The following F12 variants were observed in gnomAD, a reference collection of about 807,000 sequenced individuals.
F12 encodes coagulation factor XII.
A neutral mutation model predicts 74.8 loss-of-function variants in F12; 70 were observed. The ratio of observed to expected loss-of-function variants is 0.94; its 90% CI spans 0.77 to 1.14. The LOEUF is 1.14. F12 is among the 50% of genes most tolerant of loss of function. The pLI, the probability that F12 is intolerant of heterozygous loss-of-function variation, is 0.00. For missense variants in F12, 811 were observed against 835.7 expected, an observed-to-expected ratio of 0.97 and a Z score of 0.36; for synonymous variants, 373 against 356.4, an observed-to-expected ratio of 1.05 and a Z score of -0.52.
At position 177,409,085 on chromosome 5, in the gene F12, G is replaced by A. The variant is rs1443190474; in HGVS notation, c.76C>T (p.Pro26Ser). The change falls in exon 2 of 14, where the codon CCC (proline) becomes TCC (serine). Residue 26 changes from proline (P) to serine (S), a missense_variant. Transcript: ENST00000253496. ...STLSIPPWEA[P>S]KEHKYKAEEH... is the part of the protein sequence containing the mutation. ...TCAGCTTTGTACTTATGCTCCTTGG[G>A]GGCTTCCCAAGGTGGAATCTACAAG... The A allele has an allele frequency of 3.2e-6, 5 of 1,551,684 alleles. No homozygotes were observed. The highest frequency in any genetic ancestry group is 8.7e-7 in the Non-Finnish European group (1 of 1,147,030).
chr5:177,402,904 G>A (rs768371759), intron 12 of F12: 3 of 752,228 alleles, frequency 4.0e-6, no homozygotes, highest in South Asian at 1.8e-5. Flanking sequence ...TGGGCGGAGC[G>A]GAAACAGAAA....
intron 12 of F12, 91 bp downstream of exon 12, chr5:177,403,163 C>G (rs1308793858): frequency 8.3e-6 from 13 of 1,561,938 alleles, no homozygotes; most frequent in Non-Finnish European, 1.1e-5. Flanking sequence ...CTGTAGGCAC[C>G]CGGAACGATA....
intron 2 of F12, among the ~76,000 whole-genome samples, chr5:177,407,323 T>C (rs1763316134): frequency 6.6e-6 from 1 of 152,170 alleles, no homozygotes; most frequent in Non-Finnish European, 1.5e-5. Context: ...TCAGAGGAAT[T>C]GTCGTGGGGC....
intron 2 of F12, among the ~76,000 whole-genome samples, chr5:177,407,366 T>C (rs1414508324): frequency 6.6e-6 from 1 of 152,188 alleles, no homozygotes; most frequent in African/African-American, 2.4e-5. Context: ...TGCTGAGCAG[T>C]GTCTGGCACA....
chr5:177,402,477 A>G lies in F12; in HGVS notation c.1681-18T>C. On this transcript the variant is annotated intron_variant, in intron 13 of 13. Transcript: ENST00000253496. ...GAATCACCCTGGGTCGGAAACACGC[A>G]GCTCAGCGCTGTGGACCTGAGATTT... 2 of 1,600,862 alleles carry G rather than the reference A, an allele frequency of 1.2e-6. No individual in the cohort carries two copies. Among genetic ancestry groups the G allele is most frequent in the African/African-American group, 1.3e-5 (1 of 74,636 alleles).
rs1442039359 is a variant in F12 at position 177,405,315 on chromosome 5, C to G, written c.397+8G>C. 6.2e-7 allele frequency: 1 copy of G among 1,614,036 alleles called. No homozygotes were observed. Among genetic ancestry groups the G allele is most frequent in the Non-Finnish European group, 8.5e-7 (1 of 1,179,964 alleles). The stretch of plus-strand genomic sequence containing the variant: ...AGCACCCCGCCCAGGTCCTCCACAT[C>G]TCCTCACCTTTCTGGCAGTGGTTTC... On this transcript the variant is annotated splice_region_variant and intron_variant, in intron 5 of 13. Coordinates refer to ENST00000253496, the MANE Select transcript of F12 (RefSeq NM_000505.4).
intron 12 of F12, 153 bp from the exon 13 acceptor site, chr5:177,402,851 A>G: frequency 9.1e-7 from 1 of 1,103,474 alleles, no homozygotes. Flanking sequence ...ATTCAATTTC[A>G]TAGGCAAGGA....
intron 2 of F12, among the ~76,000 whole-genome samples, chr5:177,406,312 C>A (rs1581659531): frequency 1.3e-5 from 2 of 152,096 alleles, no homozygotes; most frequent in Non-Finnish European, 1.5e-5. Flanking sequence ...TACAGTGAAA[C>A]CCCCTCTCTA....
chr5:177,402,326 TAG>T lies in F12; in HGVS notation c.1812_1813del (p.Tyr604Ter), dbSNP rs1763153894. ...GGTGTGCTCCCGGATCCAGGCCAGGTAGTAGGCCACATCGGTGTAGACGCCTG... is the reference window on the plus strand; with the variant it reads ...GGTGTGCTCCCGGATCCAGGCCAGGTTAGGCCACATCGGTGTAGACGCCTG... On this transcript the variant is annotated stop_gained and frameshift_variant, in exon 14 of 14. Coordinates refer to ENST00000253496, the MANE Select transcript of F12 (RefSeq NM_000505.4). LOFTEE classifies it high-confidence loss of function. 1 of 1,613,648 alleles carries T rather than the reference TAG, an allele frequency of 6.2e-7. No individual in the cohort carries two copies. Among genetic ancestry groups the T allele is most frequent in the Non-Finnish European group, 8.5e-7 (1 of 1,180,018 alleles).
chr5:177,404,879 A>C lies in F12; in HGVS notation c.565T>G (p.Cys189Gly). Residue 189 changes from cysteine to glycine, a missense_variant, in exon 7 of 14, where the codon TGC becomes GGC. Cys to Gly is a radical substitution (Grantham distance 159). Transcript: ENST00000253496. ...AGGCGGTGGCCCTCCACCTCTAGGC[A>C]GCGACCCCCATGGAGGCACGGGTTG... ...RTNPCLHGGR[C>G]LEVEGHRLCH... 1.2e-6 allele frequency: 2 copies of C among 1,608,930 alleles called. No individual in the cohort carries two copies. The highest frequency in any genetic ancestry group is 1.7e-6 in the Non-Finnish European group (2 of 1,178,714).
At chr5:177,407,767 A>G (rs1037864801) in intron 2 of F12, among the ~76,000 whole-genome samples, 5 of 148,924 alleles carry the variant, frequency 3.4e-5, no homozygotes, top group Non-Finnish European at 7.5e-5. Context: ...CCTAGGGGAC[A>G]GAGCGAGACT....
chr5:177,405,449 G>C lies in F12; in HGVS notation c.287-16C>G, dbSNP rs1272285553. 2 of 1,608,466 alleles carry C rather than the reference G, an allele frequency of 1.2e-6. No individual in the cohort carries two copies. The highest frequency in any genetic ancestry group is 1.7e-6 in the Non-Finnish European group (2 of 1,176,880). On this transcript the variant is annotated splice_polypyrimidine_tract_variant and intron_variant, in intron 4 of 13. Transcript: ENST00000253496. ...CTGCAGTGGTCTGAGAGATGGACAT[G>C]GTGGAAGGAAGAGCAGGGAGCTGAG...
rs760403528 is a variant in F12 at position 177,404,957 on chromosome 5, C to G, written c.530-43G>C. The G allele has an allele frequency of 5.0e-6, 8 of 1,584,770 alleles. No individual in the cohort carries two copies. In the African/African-American group the frequency reaches 9.4e-5, roughly 19 times the overall value. On this transcript the variant is annotated intron_variant, in intron 6 of 13. Coordinates refer to ENST00000253496, the MANE Select transcript of F12 (RefSeq NM_000505.4). ...GTGAGCCACCCCTGGGCCTAAAGAC[C>G]CCCCCAGAGAGCTCTCCTTCCTGGC...
At chr5:177,402,990 G>C (rs1763178324) in intron 12 of F12, 1 of 671,908 alleles carries the variant, frequency 1.5e-6, no homozygotes, top group Admixed American at 2.9e-5. Context: ...CAGCGTCCTA[G>C]TTGGCCTTTG....
rs41309752 is a variant in F12, at chr5:177,404,543, G to A, written c.756C>T (p.Ala252=). ...ASEATYRNVT[A]EQARNWGLGG... is the part of the protein sequence containing the mutation. ...CCAGTCCCCAGTTCCGCGCTTGCTC[G>A]GCAGTCACGTTCCGGTAGGTGGCCT... The change falls in exon 8 of 14, where the codon GCC becomes GCT. Residue 252 remains alanine, a synonymous_variant. Coordinates refer to ENST00000253496, the MANE Select transcript of F12 (RefSeq NM_000505.4). 14,071 of 1,603,096 alleles carry A rather than the reference G, an allele frequency of 8.8e-3. 261 individuals carry two copies. The highest frequency in any genetic ancestry group is 0.053 in the African/African-American group (4,008 of 74,924).
At chr5:177,408,057 AT>A (rs200381145) in intron 2 of F12, among the ~76,000 whole-genome samples, 526 of 142,494 alleles carry the variant, frequency 3.7e-3, no homozygotes, top group Middle Eastern at 0.014. Flanking sequence ...CTCTAGGTAA[AT>A]TTTTTTTTTT....
rs771649490 is a variant in F12 at position 177,404,376 on chromosome 5, G to C, written c.838C>G (p.Leu280Val). The change falls in exon 9 of 14, where the codon CTG becomes GTG. Residue 280 changes from leucine to valine, a missense_variant. Leu to Val is a conservative substitution (Grantham distance 32). Coordinates refer to ENST00000253496, the MANE Select transcript of F12 (RefSeq NM_000505.4). ...DNDIRPWCFVLNRDRLSWEYC... is the reference protein window; with the variant it reads ...DNDIRPWCFVVNRDRLSWEYC... ...TCCCAGCTCAGCCGGTCGCGGTTCA[G>C]CACGAAGCACCACGGGCGGATGTCG... is the stretch of plus-strand genomic sequence containing the variant. 1 of 1,612,106 alleles carries C rather than the reference G, an allele frequency of 6.2e-7. No homozygotes were observed. The highest frequency in any genetic ancestry group is 2.2e-5 in the East Asian group (1 of 44,850).
At position 177,404,183 on chromosome 5, in the gene F12, C is replaced by G. The variant is rs552424629; in HGVS notation, c.1018+13G>C. 6.8e-4 allele frequency: 1,080 copies of G among 1,594,920 alleles called. 3 individuals carry two copies. Among genetic ancestry groups the G allele is most frequent in the African/African-American group, 1.4e-3 (108 of 74,690 alleles). The stretch of plus-strand genomic sequence containing the variant: ...GCCCTCTCGGCTCCTCCTTCCCCCC[C>G]CCACTTCCTAACCTCCCGGGGTCTG... On this transcript the variant is annotated intron_variant, in intron 9 of 13. Coordinates refer to ENST00000253496, the MANE Select transcript of F12 (RefSeq NM_000505.4).
At position 177,405,780 on chromosome 5, in the gene F12, G is replaced by C; in HGVS notation, c.241C>G (p.Gln81Glu). 1 of 1,614,182 alleles carries C rather than the reference G, an allele frequency of 6.2e-7. No individual in the cohort carries two copies. Among genetic ancestry groups the C allele is most frequent in the South Asian group, 1.1e-5 (1 of 91,076 alleles). ...PWCATTPNFD[Q>E]DQRWGYCLEP... Reference sequence around the variant, plus strand: ...AAACAGTATCCCCATCGCTGGTCCTGATCAAAGTTGGGGGTGGTAGCACAC... The same window carrying C: ...AAACAGTATCCCCATCGCTGGTCCTCATCAAAGTTGGGGGTGGTAGCACAC... The change falls in exon 4 of 14, where the codon CAG becomes GAG. Residue 81 changes from glutamine to glutamate, a missense_variant. Transcript: ENST00000253496.
Sources: gnomAD v4.1 joint callset for allele counts (sites outside exome capture counted in the v4.1 genomes callset) on GRCh38, gnomAD v4.1.1 for gene constraint, MANE v1.5 for transcripts, NCBI Gene and HGNC (gene_info 2026-07-23, HGNC 2026-07-21) for gene names.